Variants in BCAT1 observed in about 807,000 individuals in gnomAD.
BCAT1 encodes the protein branched-chain-amino-acid aminotransferase, cytosolic.
A neutral mutation model predicts 52.4 loss-of-function variants in BCAT1; 48 were observed. The ratio of observed to expected loss-of-function variants is 0.92; its 90% CI spans 0.73 to 1.16. The LOEUF (loss-of-function observed/expected upper bound fraction) is 1.16, where lower values mean the gene tolerates loss of function less well. Among genes scored for constraint, BCAT1 ranks in the 50% most tolerant of loss-of-function variants. The pLI is 0.00. For synonymous variants in BCAT1, 167 were observed against 161.3 expected, an observed-to-expected ratio of 1.04 and a Z score of -0.27; for missense variants, 451 against 457.1, an observed-to-expected ratio of 0.99 and a Z score of 0.12.
rs1232525339 is a variant in BCAT1 at position 24,890,129 on chromosome 12, G to A, written c.279+4146C>T. On this transcript the variant is annotated intron_variant, in intron 3 of 10. Transcript: ENST00000261192. Reference sequence around the variant, plus strand: ...TCCCTGAGTTTTGTGAGCTGCTCCAGTAAATTAATCAAACCAGAAGAGGGG... The same window carrying A: ...TCCCTGAGTTTTGTGAGCTGCTCCAATAAATTAATCAAACCAGAAGAGGGG... Among the ~76,000 whole-genome samples, 4 of 152,148 alleles carry A rather than the reference G, an allele frequency of 2.6e-5. No individual in the cohort carries two copies. The East Asian group carries it at 7.7e-4, about 29-fold the overall frequency.
chr12:24,888,711 T>A (rs996961882), intron 3 of BCAT1, among the ~76,000 whole-genome samples: 1 of 152,128 alleles, frequency 6.6e-6, no homozygotes, highest in African/African-American at 2.4e-5. Context: ...CTTCCTAGAT[T>A]CCTATGACAC....
At chr12:24,944,685 A>G (rs1943910125) in intron 1 of BCAT1, among the ~76,000 whole-genome samples, 1 of 152,248 alleles carries the variant, frequency 6.6e-6, no homozygotes, top group South Asian at 2.1e-4. Flanking sequence ...TCAAATCTAC[A>G]CACCGAAATA....
chr12:24,886,414 AT>A (rs1299797265), intron 3 of BCAT1, among the ~76,000 whole-genome samples: 44 of 152,320 alleles, frequency 2.9e-4, no homozygotes, highest in Admixed American at 4.6e-4. Context: ...AAATAAATAA[AT>A]AAAAATCTGC....
chr12:24,933,969 G>T lies in BCAT1; in HGVS notation c.6+14958C>A, dbSNP rs78353726. Among the ~76,000 whole-genome samples, 2,149 of 152,134 alleles carry T rather than the reference G, an allele frequency of 0.014. 119 individuals are homozygous for T. In the East Asian group the frequency reaches 0.18, roughly 13 times the overall value. ...TATTATGCACATGAATTCTCCTCTT[G>T]GCCGGCACCAGCTTGTCTGCTCCTT... On this transcript the variant is annotated intron_variant, in intron 1 of 10. Coordinates refer to ENST00000261192, the MANE Select transcript of BCAT1 (RefSeq NM_005504.7).
At chr12:24,878,787 G>T in intron 4 of BCAT1, 138 bp from the exon 5 acceptor site, 2 of 829,344 alleles carry the variant, frequency 2.4e-6, no homozygotes, top group Non-Finnish European at 3.5e-6. Context: ...TGAGGTGATG[G>T]ATATCCTAAT....
At chr12:24,867,990 G>T (rs1403409076) in intron 5 of BCAT1, among the ~76,000 whole-genome samples, 3 of 152,208 alleles carry the variant, frequency 2.0e-5, no homozygotes, top group African/African-American at 7.2e-5. Flanking sequence ...GGGAAACAGA[G>T]CAAGACTCCG....
intron 5 of BCAT1, among the ~76,000 whole-genome samples, chr12:24,871,970 T>C (rs565542111): frequency 7.0e-4 from 106 of 152,352 alleles, no homozygotes; most frequent in Middle Eastern, 3.4e-3. Flanking sequence ...TATATGTATA[T>C]GTATTTCACA....
intron 1 of BCAT1, among the ~76,000 whole-genome samples, chr12:24,937,229 C>A (rs1486223699): frequency 6.6e-6 from 1 of 151,232 alleles, no homozygotes; most frequent in Non-Finnish European, 1.5e-5. Context: ...AGCATCCAAT[C>A]TGAGGTTGGC....
At position 24,856,676 on chromosome 12, in the gene BCAT1, T is replaced by C. The variant is rs2139495986; in HGVS notation, c.511-6727A>G. Among the ~76,000 whole-genome samples the C allele has an allele frequency of 2.0e-5, 3 of 152,284 alleles. 1 individual carries two copies. In the East Asian group the frequency reaches 5.8e-4, roughly 29 times the overall value. The stretch of plus-strand genomic sequence containing the variant: ...GCACCCTCATCTTGGACTTCTAGAC[T>C]TTGGAGCAGTGAGAAAATAAACACC... On this transcript the variant is annotated intron_variant, in intron 5 of 10. Transcript: ENST00000261192.
rs1370780792 is a variant in BCAT1, at chr12:24,815,720, T to C, written c.*2288A>G. 6.6e-6 allele frequency: 1 copy of C among 152,144 alleles called. No homozygotes were observed. Among genetic ancestry groups the C allele is most frequent in the Non-Finnish European group, 1.5e-5 (1 of 68,010 alleles). The allele number at this position is 152,144 out of a possible 1,614,324, so 9.4% of individuals were successfully genotyped here. On this transcript the variant is annotated 3_prime_UTR_variant, in exon 11 of 11. Transcript: ENST00000261192. Reference sequence around the variant, plus strand: ...ACATCTATCCTTAGTTTTCACTGGGTCTGATGAAAAGGGCTTAAAAATGCT... The same window carrying C: ...ACATCTATCCTTAGTTTTCACTGGGCCTGATGAAAAGGGCTTAAAAATGCT...
At chr12:24,818,275 A>G (rs1939962958) in intron 10 of BCAT1, among the ~76,000 whole-genome samples, 1 of 152,200 alleles carries the variant, frequency 6.6e-6, no homozygotes, top group Admixed American at 6.6e-5. Flanking sequence ...GAGTTTTTTA[A>G]AAACCAAATA....
rs1272315308 is a variant in BCAT1, at chr12:24,943,749, C to T, written c.6+5178G>A. Among the ~76,000 whole-genome samples the T allele has an allele frequency of 2.6e-5, 4 of 152,218 alleles. No homozygotes were observed. The East Asian group carries it at 7.7e-4, about 29-fold the overall frequency. On this transcript the variant is annotated intron_variant, in intron 1 of 10. Coordinates refer to ENST00000261192, the MANE Select transcript of BCAT1 (RefSeq NM_005504.7). ...CCTGTAATCCCAGCACCTTGGGTGG[C>T]CGAGGCGGGCAGATCACGAGGTCAG...
At chr12:24,866,040 G>A (rs1429655201) in intron 5 of BCAT1, among the ~76,000 whole-genome samples, 1 of 152,240 alleles carries the variant, frequency 6.6e-6, no homozygotes, top group Non-Finnish European at 1.5e-5. Flanking sequence ...GGCCAAGGCC[G>A]GAGCTGGCTC....
rs533332068 is a variant in BCAT1, at chr12:24,935,616, A to T, written c.6+13311T>A. Among the ~76,000 whole-genome samples, 3 of 152,230 alleles carry T rather than the reference A, an allele frequency of 2.0e-5. No individual in the cohort carries two copies. In the South Asian group the frequency reaches 6.2e-4, roughly 32 times the overall value. ...AAACCAGGTATCCTGAGAATTTCCC[A>T]AGTCATCATGTCTTTGTTCCTTTTT... is the stretch of plus-strand genomic sequence containing the variant. On this transcript the variant is annotated intron_variant, in intron 1 of 10. Coordinates refer to ENST00000261192, the MANE Select transcript of BCAT1 (RefSeq NM_005504.7).
At chr12:24,861,462 C>T (rs10771134) in intron 5 of BCAT1, among the ~76,000 whole-genome samples, 85,432 of 152,066 alleles carry the variant, frequency 0.56, 24,752 homozygotes, top group East Asian at 0.83. Flanking sequence ...TTAAATTGAA[C>T]ACTTATTAAT....
chr12:24,847,597 AAG>A (rs748381782), intron 6 of BCAT1, among the ~76,000 whole-genome samples: 2 of 152,172 alleles, frequency 1.3e-5, no homozygotes, highest in Non-Finnish European at 2.9e-5. Flanking sequence ...GTGCATGTGC[AAG>A]AGAGAGAGAA....
At chr12:24,890,417 A>G (rs761551874) in intron 3 of BCAT1, among the ~76,000 whole-genome samples, 1 of 152,196 alleles carries the variant, frequency 6.6e-6, no homozygotes, top group Non-Finnish European at 1.5e-5. Context: ...ACAGGATGAG[A>G]TAGGAGGTCG....
intron 1 of BCAT1, among the ~76,000 whole-genome samples, chr12:24,946,630 CG>C (rs35203074): frequency 6.6e-6 from 1 of 152,118 alleles, no homozygotes; most frequent in Admixed American, 6.5e-5. Context: ...CGCATGCGTA[CG>C]GGGGGACGTG....
chr12:24,876,260 T>TAAAA (rs71448093), intron 5 of BCAT1, among the ~76,000 whole-genome samples: 7 of 109,840 alleles, frequency 6.4e-5, no homozygotes, highest in African/African-American at 1.4e-4. Flanking sequence ...GAGGGAGATG[T>TAAAA]AAAAAAAAAA....
Sources: allele counts gnomAD v4.1 joint callset (sites outside exome capture counted in the v4.1 genomes callset), GRCh38; gene constraint gnomAD v4.1.1; transcripts MANE v1.5; gene names NCBI Gene and HGNC (gene_info 2026-07-23, HGNC 2026-07-21).